NIM1K: variants seen among roughly 807,000 people sequenced by gnomAD.
NIM1K encodes NIM1 serine/threonine protein kinase, also known as serine/threonine-protein kinase NIM1.
NIM1K carries 35 observed loss-of-function variants against 37.1 expected under a neutral mutation model. The ratio of observed to expected loss-of-function variants is 0.94; its 90% CI spans 0.72 to 1.25. The LOEUF is 1.25. NIM1K is among the 50% of genes most tolerant of loss of function. The pLI, the probability that NIM1K is intolerant of heterozygous loss-of-function variation, is 0.00. For synonymous variants in NIM1K, 234 were observed against 206.6 expected (o/e 1.13, Z -1.14); for missense variants, 564 against 548.0 (o/e 1.03, Z -0.29).
intron 1 of NIM1K, chr5:43,206,815 A>T: frequency 1.3e-6 from 1 of 767,598 alleles, no homozygotes; most frequent in Non-Finnish European, 2.4e-6. Flanking sequence ...GGGATGGTGG[A>T]GTTGGTGCAC....
rs564478837 is a variant in NIM1K, at chr5:43,233,083, T to C, written c.-694-11999T>C. The C allele has an allele frequency of 2.6e-4, 353 of 1,339,832 alleles. 2 individuals carry two copies. The highest frequency in any genetic ancestry group is 9.4e-4 in the Admixed American group (56 of 59,370). The allele number at this position is 1,339,832 out of a possible 1,614,324, so 83.0% of individuals were successfully genotyped here. On this transcript the variant is annotated intron_variant, in intron 1 of 3. Transcript: ENST00000326035. The stretch of plus-strand genomic sequence containing the variant: ...GTCACTTGGCATCTGGCCATTGGGC[T>C]GGATGCCATGTTCCAGGCAGTAGGG...
intron 1 of NIM1K, among the ~76,000 whole-genome samples, chr5:43,236,823 C>A (rs915527409): frequency 6.6e-6 from 1 of 152,152 alleles, no homozygotes; most frequent in African/African-American, 2.4e-5. Flanking sequence ...CGCTCTGAGA[C>A]CAAGTAGGGG....
chr5:43,233,791 C>T lies in NIM1K; in HGVS notation c.-694-11291C>T, dbSNP rs887218383. Reference sequence around the variant, plus strand: ...AGCTGCAAACGGGTATGAGTGTTCCCGCACCGTTTCCTAAATTAGTTATTT... The same window carrying T: ...AGCTGCAAACGGGTATGAGTGTTCCTGCACCGTTTCCTAAATTAGTTATTT... On this transcript the variant is annotated intron_variant, in intron 1 of 3. Transcript: ENST00000326035. 5.9e-5 allele frequency among the ~76,000 whole-genome samples: 9 copies of T among 152,152 alleles called. No homozygotes were observed. The South Asian group carries it at 1.9e-3, about 32-fold the overall frequency.
chr5:43,272,957 C>T (rs569949003), intron 2 of NIM1K, among the ~76,000 whole-genome samples: 25 of 152,252 alleles, frequency 1.6e-4, no homozygotes, highest in African/African-American at 5.1e-4. Context: ...TTTGCTATTA[C>T]CACCCTGGCA....
At chr5:43,198,205 T>TC (rs1489452367) in intron 1 of NIM1K, among the ~76,000 whole-genome samples, 27 of 40,900 alleles carry the variant, frequency 6.6e-4, no homozygotes, top group African/African-American at 2.4e-3. Context: ...CTTTCTTTCT[T>TC]TCTCTTTCTT....
At chr5:43,225,418 T>A (rs954628640) in intron 1 of NIM1K, 1 of 152,148 alleles carries the variant, frequency 6.6e-6, no homozygotes, top group Non-Finnish European at 1.5e-5. Flanking sequence ...TTGAACAATT[T>A]TAATTAAGTT....
At chr5:43,239,281 G>T (rs1359724851) in intron 1 of NIM1K, among the ~76,000 whole-genome samples, 2 of 151,922 alleles carry the variant, frequency 1.3e-5, no homozygotes, top group Non-Finnish European at 2.9e-5. Flanking sequence ...TTGTTGCCCA[G>T]GCTGGAGTGC....
chr5:43,250,913 C>T (rs76104646), intron 2 of NIM1K, among the ~76,000 whole-genome samples: 1 of 152,136 alleles, frequency 6.6e-6, no homozygotes, highest in African/African-American at 2.4e-5. Context: ...GGGGACCAGA[C>T]AAATTTATCT....
chr5:43,214,571 T>A (rs1044438102), intron 1 of NIM1K, among the ~76,000 whole-genome samples: 1 of 151,968 alleles, frequency 6.6e-6, no homozygotes. Flanking sequence ...ATCCTAGCAC[T>A]TTGGGAGGCC....
intron 2 of NIM1K, among the ~76,000 whole-genome samples, chr5:43,250,151 C>T (rs942134758): frequency 6.6e-5 from 10 of 151,932 alleles, no homozygotes; most frequent in Non-Finnish European, 1.3e-4. Context: ...CGCGCCTGGC[C>T]GGATTAGTTT....
chr5:43,233,068 A>G, intron 1 of NIM1K: 3 of 1,332,588 alleles, frequency 2.3e-6, no homozygotes, highest in Non-Finnish European at 3.2e-6. Context: ...GTCACTTGGC[A>G]TCTGGCCATT....
intron 2 of NIM1K, 72 bp downstream of exon 2, chr5:43,246,139 A>AG: frequency 7.2e-7 from 1 of 1,388,706 alleles, no homozygotes; most frequent in South Asian, 1.4e-5. Context: ...TTAGGTGGCC[A>AG]GGGCCAAGGA....
chr5:43,219,657 C>T (rs1579962584), intron 1 of NIM1K, among the ~76,000 whole-genome samples: 1 of 152,028 alleles, frequency 6.6e-6, no homozygotes, highest in Admixed American at 6.6e-5. Flanking sequence ...AATACAAGTA[C>T]CTTATTAGAC....
In NIM1K at chr5:43,280,720, G is replaced by A. The variant is rs755535109; in HGVS notation, c.1302G>A (p.Ser434=). 6.3e-6 allele frequency: 10 copies of A among 1,593,368 alleles called. No individual in the cohort carries two copies. The highest frequency in any genetic ancestry group is 2.2e-5 in the East Asian group (1 of 44,734). ...TAAGACACACATCCAAATTTTGCTC[G>A]ATTTTATAAATTGCACTAGACTGCT... ...RGIRHTSKFC[S]IL The change falls in exon 4 of 4, where the codon TCG becomes TCA. Residue 434 remains serine, a synonymous_variant. Coordinates refer to ENST00000326035, the MANE Select transcript of NIM1K (RefSeq NM_153361.4).
chr5:43,276,200 A>G (rs1753337580), intron 2 of NIM1K, among the ~76,000 whole-genome samples: 1 of 152,150 alleles, frequency 6.6e-6, no homozygotes, highest in Non-Finnish European at 1.5e-5. Context: ...GCCAAAATTG[A>G]GTAATTTATA....
At chr5:43,233,155 T>C in intron 1 of NIM1K, 1 of 1,304,418 alleles carries the variant, frequency 7.7e-7, no homozygotes, top group South Asian at 1.2e-5. Context: ...GCCAATGAGA[T>C]GGAGATGCGG....
At chr5:43,196,339 T>G (rs1474722159) in intron 1 of NIM1K, among the ~76,000 whole-genome samples, 1 of 152,164 alleles carries the variant, frequency 6.6e-6, no homozygotes, top group African/African-American at 2.4e-5. Flanking sequence ...TATTAAAAGC[T>G]TATAACTGGC....
At chr5:43,222,899 C>T (rs1033996885) in intron 1 of NIM1K, among the ~76,000 whole-genome samples, 3 of 151,828 alleles carry the variant, frequency 2.0e-5, no homozygotes, top group Non-Finnish European at 2.9e-5. Flanking sequence ...CCAGAACTTT[C>T]GGAGGCCGAG....
chr5:43,222,063 ACCTC>A (rs1752388045), intron 1 of NIM1K, among the ~76,000 whole-genome samples: 1 of 152,166 alleles, frequency 6.6e-6, no homozygotes, highest in Non-Finnish European at 1.5e-5. Flanking sequence ...GACAGACACT[ACCTC>A]TGGCTCACTC....
Sources: gnomAD v4.1 joint callset for allele counts (sites outside exome capture counted in the v4.1 genomes callset) on GRCh38, gnomAD v4.1.1 for gene constraint, MANE v1.5 for transcripts, NCBI Gene and HGNC (gene_info 2026-07-23, HGNC 2026-07-21) for gene names.